The following ACSBG2 variants were observed in gnomAD, a reference collection of about 807,000 sequenced individuals.
ACSBG2 encodes long-chain-fatty-acid--CoA ligase ACSBG2.
Under a neutral mutation model 74.7 loss-of-function variants are expected in ACSBG2, and 62 were observed. The ratio of observed to expected loss-of-function variants is 0.83; its 90% confidence interval spans 0.68 to 1.03. The LOEUF (loss-of-function observed/expected upper bound fraction) is 1.03, where lower values mean the gene tolerates loss of function less well. Among genes scored for constraint, ACSBG2 ranks in the 50% least tolerant of loss-of-function variants. The pLI is 0.00. For synonymous variants in ACSBG2, 309 were observed against 294.1 expected (o/e 1.05, Z -0.52); for missense variants, 730 against 817.6 (o/e 0.89, Z 1.31).
intron 10 of ACSBG2, among the ~76,000 whole-genome samples, chr19:6,185,124 G>A (rs2090370589): frequency 6.6e-6 from 1 of 151,858 alleles, no homozygotes. Context: ...CGGGGTCTCC[G>A]TATGTTGCCC....
chr19:6,181,813 G>GCCC (rs60054737), intron 8 of ACSBG2, among the ~76,000 whole-genome samples: 1,104 of 54,264 alleles, frequency 0.02, 30 homozygotes, highest in South Asian at 0.045. Flanking sequence ...GTCCCCACCC[G>GCCC]CCCCCCCCCC....
At chr19:6,168,570 G>A (rs2089877518) in intron 7 of ACSBG2, among the ~76,000 whole-genome samples, 1 of 151,978 alleles carries the variant, frequency 6.6e-6, no homozygotes, top group African/African-American at 2.4e-5. Flanking sequence ...TCCACTTTTG[G>A]GAAATGAATG....
chr19:6,175,735 A>G (rs981406873), intron 7 of ACSBG2: 1 of 152,226 alleles, frequency 6.6e-6, no homozygotes, highest in Non-Finnish European at 1.5e-5. Flanking sequence ...AAGTGACAAA[A>G]TTATAGGTAC....
At chr19:6,173,622 T>C (rs548585781) in intron 7 of ACSBG2, among the ~76,000 whole-genome samples, 4 of 152,302 alleles carry the variant, frequency 2.6e-5, no homozygotes, top group African/African-American at 9.6e-5. Context: ...CCGCAGCTTC[T>C]TCCTGTGGGC....
In ACSBG2 at chr19:6,187,263, C is replaced by T. The variant is rs763882458; in HGVS notation, c.1541-20C>T. ...CACGTTGTCATGGCTGGACATGTAC[C>T]AAGCCAAGCTCTGTTCCAGAAATCC... On this transcript the variant is annotated intron_variant, in intron 11 of 14. Transcript: ENST00000588485. 9.9e-6 allele frequency: 16 copies of T among 1,613,680 alleles called. No homozygotes were observed. The highest frequency in any genetic ancestry group is 1.4e-5 in the Non-Finnish European group (16 of 1,179,844).
Position 6,160,917 on chromosome 19 carries a change from C to T in ACSBG2, c.508-298C>T, listed in dbSNP as rs560780734. 5.9e-5 allele frequency among the ~76,000 whole-genome samples: 9 copies of T among 152,116 alleles called. No individual in the cohort carries two copies. In the South Asian group the frequency reaches 1.2e-3, roughly 21 times the overall value. On this transcript the variant is annotated intron_variant, in intron 5 of 14. Coordinates refer to ENST00000588485, the MANE Select transcript of ACSBG2 (RefSeq NM_030924.5). ...GAGTTCGAGACCAGCCTGGCCAATA[C>T]GGTGAAACCCCGGCTCTACTAAAAA... is the stretch of plus-strand genomic sequence containing the variant.
chr19:6,155,934 A>AAG (rs2089406175), intron 4 of ACSBG2, among the ~76,000 whole-genome samples: 1 of 151,806 alleles, frequency 6.6e-6, no homozygotes, highest in African/African-American at 2.4e-5. Context: ...AAAAAAAAAA[A>AAG]AATTGAAAGG....
Position 6,154,424 on chromosome 19 carries a change from GAGAGAGAGAAA to G in ACSBG2, c.387-2005_387-1995del, listed in dbSNP as rs1341774949. Among the ~76,000 whole-genome samples the G allele has an allele frequency of 5.3e-4, 48 of 89,880 alleles. No homozygotes were observed. In the East Asian group the frequency reaches 7.5e-3, roughly 14 times the overall value. The allele number at this position is 89,880 out of a possible 152,430, so 59.0% of individuals were successfully genotyped here. ...AAAAAGAGAGAGAGAGAGAGAGAGAGAGAGAGAGAAAATTATTATTATATATATAAAATATA... is the reference window on the plus strand; with the variant it reads ...AAAAAGAGAGAGAGAGAGAGAGAGAGATTATTATTATATATATAAAATATA... On this transcript the variant is annotated intron_variant, in intron 4 of 14. Transcript: ENST00000588485.
chr19:6,173,339 G>A (rs995704258), intron 7 of ACSBG2, among the ~76,000 whole-genome samples: 3 of 152,152 alleles, frequency 2.0e-5, no homozygotes, highest in African/African-American at 7.2e-5. Context: ...CAACCAGTGT[G>A]GTGCCTGCTG....
intron 11 of ACSBG2, among the ~76,000 whole-genome samples, chr19:6,186,085 T>C (rs1035645292): frequency 1.3e-5 from 2 of 151,506 alleles, no homozygotes; most frequent in Non-Finnish European, 2.9e-5. Flanking sequence ...CTCAAACTCA[T>C]TCAAGCTGGT....
intron 6 of ACSBG2, among the ~76,000 whole-genome samples, chr19:6,164,297 G>A (rs2089726934): frequency 1.3e-5 from 2 of 152,300 alleles, no homozygotes; most frequent in African/African-American, 4.8e-5. Context: ...GAGGGCTTGT[G>A]TGTGCTCTTC....
chr19:6,185,330 G>A, intron 10 of ACSBG2, 106 bp from the exon 11 acceptor site: 1 of 1,111,492 alleles, frequency 9.0e-7, no homozygotes. Context: ...TATCCAGCCT[G>A]CTCTAGCTGA....
At chr19:6,151,229 A>G (rs1191167143) in intron 3 of ACSBG2, among the ~76,000 whole-genome samples, 2 of 152,100 alleles carry the variant, frequency 1.3e-5, no homozygotes, top group Non-Finnish European at 2.9e-5. Flanking sequence ...AGGGAGGTAA[A>G]CAAACCTCCC....
intron 2 of ACSBG2, among the ~76,000 whole-genome samples, chr19:6,146,711 G>C (rs1454220579): frequency 6.6e-6 from 1 of 152,116 alleles, no homozygotes; most frequent in African/African-American, 2.4e-5. Flanking sequence ...GTTGCAGTGA[G>C]CCAAGATCGT....
At chr19:6,156,356 C>T (rs1325669023) in intron 4 of ACSBG2, 75 bp from the exon 5 acceptor site, 1 of 1,470,250 alleles carries the variant, frequency 6.8e-7, no homozygotes, top group Non-Finnish European at 9.0e-7. Context: ...AACCTTTCCT[C>T]TCTTTTGACC....
intron 7 of ACSBG2, among the ~76,000 whole-genome samples, chr19:6,171,542 C>T (rs1187460165): frequency 6.6e-6 from 1 of 152,140 alleles, no homozygotes; most frequent in Non-Finnish European, 1.5e-5. Context: ...AATGGGCCCT[C>T]AATCTCTTCT....
chr19:6,136,107 A>ATT (rs1192884818), intron 1 of ACSBG2, among the ~76,000 whole-genome samples, 198 bp downstream of exon 1: 17 of 138,772 alleles, frequency 1.2e-4, no homozygotes, highest in African/African-American at 1.9e-4. Context: ...TGTCCAGCTA[A>ATT]TTTTTTTTTT....
chr19:6,153,774 A>C (rs750595201), intron 4 of ACSBG2, among the ~76,000 whole-genome samples: 1 of 151,982 alleles, frequency 6.6e-6, no homozygotes, highest in South Asian at 2.1e-4. Context: ...CTTCAGCCCA[A>C]GAAGTTGAGA....
rs766486498 is a variant in ACSBG2 at position 6,183,046 on chromosome 19, A to C, written c.1096A>C (p.Asn366His). ...VNSKKMLGKY[N>H]TPVSYRMAKT... is the part of the protein sequence containing the mutation. Reference sequence around the variant, plus strand: ...CGGCATTCTTATTCACAGGAAATATAATACTCCCGTGAGCTACCGCATGGC... The same window carrying C: ...CGGCATTCTTATTCACAGGAAATATCATACTCCCGTGAGCTACCGCATGGC... Residue 366 changes from asparagine to histidine, a missense_variant, in exon 10 of 15, where the codon AAT (asparagine) becomes CAT (histidine). By Grantham distance (68) the Asn-to-His change is moderately conservative. Transcript: ENST00000588485. 3.1e-6 allele frequency: 5 copies of C among 1,614,002 alleles called. No homozygotes were observed. Among genetic ancestry groups the C allele is most frequent in the Non-Finnish European group, 4.2e-6 (5 of 1,180,004 alleles).
Sources: allele counts gnomAD v4.1 joint callset (sites outside exome capture counted in the v4.1 genomes callset), GRCh38; gene constraint gnomAD v4.1.1; transcripts MANE v1.5; gene names NCBI Gene and HGNC (gene_info 2026-07-23, HGNC 2026-07-21).